The following RSBN1L variants were observed in gnomAD, a reference collection of about 807,000 sequenced individuals.
RSBN1L encodes round spermatid basic protein 1 like.
RSBN1L carries 30 observed loss-of-function variants against 67.7 expected under a neutral mutation model. That is an observed-to-expected ratio of 0.44 (90% CI 0.33 to 0.60). The LOEUF is 0.60. Among genes scored for constraint, RSBN1L ranks in the 20% least tolerant of loss-of-function variants. The probability of loss-of-function intolerance (pLI) is 0.02; values close to 1 mark genes in which losing one functional copy is unlikely to be tolerated. For synonymous variants in RSBN1L, 433 were observed against 387.0 expected (o/e 1.12, Z -1.39); for missense variants, 992 against 1,031.7 (o/e 0.96, Z 0.53).
chr7:77,705,330 T>C (rs1341187740), intron 1 of RSBN1L, among the ~76,000 whole-genome samples: 1 of 152,150 alleles, frequency 6.6e-6, no homozygotes, highest in African/African-American at 2.4e-5. Flanking sequence ...TTCATGTAAA[T>C]TGAAAGTTAA....
At chr7:77,762,288 A>C (rs1026465732) in intron 3 of RSBN1L, among the ~76,000 whole-genome samples, 3 of 152,126 alleles carry the variant, frequency 2.0e-5, no homozygotes, top group Non-Finnish European at 4.4e-5. Flanking sequence ...AATAGTTATG[A>C]ATTTTAATAG....
rs1791949380 is a variant in RSBN1L at position 77,778,556 on chromosome 7, A to G, written c.1929A>G (p.Lys643=). The G allele has an allele frequency of 1.9e-6, 3 of 1,613,016 alleles. No homozygotes were observed. The highest frequency in any genetic ancestry group is 2.5e-6 in the Non-Finnish European group (3 of 1,179,282). The part of the protein sequence containing the change: ...SQCVQWVDDA[K]LNQLRREGIR... ...GTGTCCAATGGGTTGATGATGCAAA[A>G]CTGAATCAACTGAGGAGGGAAGGCA... Residue 643 remains lysine, a synonymous_variant, in exon 8 of 8, where the codon AAA becomes AAG. Transcript: ENST00000334955.
In RSBN1L at chr7:77,780,199, A is replaced by G. The variant is rs1026381754; in HGVS notation, c.*1031A>G. 1 of 152,074 alleles carries G rather than the reference A, an allele frequency of 6.6e-6. No homozygotes were observed. The highest frequency in any genetic ancestry group is 2.4e-5 in the African/African-American group (1 of 41,414). The allele number at this position is 152,074 out of a possible 1,614,324, so 9.4% of individuals were successfully genotyped here. A position where few individuals can be genotyped will look rare whatever the true frequency, so the allele number is the denominator to read the frequency against. ...CATCTGCGTGTGTGTGAATGTGTAT[A>G]TATATGTATATATATATCATATTTT... On this transcript the variant is annotated 3_prime_UTR_variant, in exon 8 of 8. Transcript: ENST00000334955.
chr7:77,744,046 TTTTTA>T (rs1398901009), intron 2 of RSBN1L, among the ~76,000 whole-genome samples: 7 of 151,564 alleles, frequency 4.6e-5, no homozygotes, highest in Non-Finnish European at 7.4e-5. Context: ...TTTACATTTA[TTTTTA>T]TTTTATTTTT....
chr7:77,756,863 G>A (rs536964218), intron 3 of RSBN1L, among the ~76,000 whole-genome samples: 7 of 151,548 alleles, frequency 4.6e-5, no homozygotes, highest in African/African-American at 1.7e-4. Context: ...AGTATATATA[G>A]TAATGCTATA....
intron 1 of RSBN1L, among the ~76,000 whole-genome samples, chr7:77,699,802 T>C (rs1305855940): frequency 6.6e-6 from 1 of 152,080 alleles, no homozygotes; most frequent in Non-Finnish European, 1.5e-5. Context: ...TTAGATTTTT[T>C]TTTTTTTTTT....
At chr7:77,763,735 C>T (rs1791726198) in intron 3 of RSBN1L, among the ~76,000 whole-genome samples, 2 of 152,218 alleles carry the variant, frequency 1.3e-5, no homozygotes, top group South Asian at 4.2e-4. Flanking sequence ...CTCTGTTGCC[C>T]AGGCTGGAGT....
At chr7:77,756,248 CAACTTCCTG>C (rs1791615739) in intron 3 of RSBN1L, among the ~76,000 whole-genome samples, 1 of 151,980 alleles carries the variant, frequency 6.6e-6, no homozygotes, top group Non-Finnish European at 1.5e-5. Context: ...TCTCCTGCCT[CAACTTCCTG>C]AGTAGCTGGG....
At chr7:77,752,693 T>C (rs1022924309) in intron 3 of RSBN1L, among the ~76,000 whole-genome samples, 4 of 152,188 alleles carry the variant, frequency 2.6e-5, no homozygotes, top group African/African-American at 9.6e-5. Context: ...ATTATAAATG[T>C]ATAACTTGAT....
intron 5 of RSBN1L, among the ~76,000 whole-genome samples, chr7:77,770,421 T>C (rs1205760806): frequency 2.0e-5 from 3 of 152,028 alleles, no homozygotes; most frequent in Admixed American, 6.6e-5. Flanking sequence ...GGCTCTTTCA[T>C]GTAATCCTAG....
rs572392064 is a variant in RSBN1L at position 77,696,799 on chromosome 7, G to A, written c.330G>A (p.Thr110=). 1 of 1,613,738 alleles carries A rather than the reference G, an allele frequency of 6.2e-7. No homozygotes were observed. The highest frequency in any genetic ancestry group is 1.3e-5 in the African/African-American group (1 of 75,076). ...GCAGTTTCTCTTTCTCCGCTGGCAC[G>A]GCCGTTCCCTCCTCAGCCTCCGCTT... ...SRSSFSFSAG[T]AVPSSASASL... is the part of the protein sequence containing the mutation. The change falls in exon 1 of 8, where the codon ACG becomes ACA. Residue 110 remains threonine (T), a synonymous_variant. Transcript: ENST00000334955.
rs192073720 is a variant in RSBN1L at position 77,754,274 on chromosome 7, T to C, written c.1344+4210T>C. ...TTCAAGATTTCCTTGGCTCTTTACA[T>C]TTCCACATAAACTTTCGAATCAGCT... is the stretch of plus-strand genomic sequence containing the variant. On this transcript the variant is annotated intron_variant, in intron 3 of 7. Coordinates refer to ENST00000334955, the MANE Select transcript of RSBN1L (RefSeq NM_198467.3). Among the ~76,000 whole-genome samples, 3 of 152,294 alleles carry C rather than the reference T, an allele frequency of 2.0e-5. No individual in the cohort carries two copies. In the East Asian group the frequency reaches 5.8e-4, roughly 29 times the overall value.
At chr7:77,727,016 C>T (rs1353372189) in intron 1 of RSBN1L, among the ~76,000 whole-genome samples, 3 of 150,604 alleles carry the variant, frequency 2.0e-5, no homozygotes, top group South Asian at 2.1e-4. Context: ...CTCTTGACCT[C>T]GTGATCCACC....
chr7:77,703,593 ATT>A (rs1448430055), intron 1 of RSBN1L, among the ~76,000 whole-genome samples: 1 of 141,900 alleles, frequency 7.0e-6, no homozygotes, highest in Non-Finnish European at 1.5e-5. Context: ...AGTTCAAGCG[ATT>A]CTCCTGCCTC....
chr7:77,718,732 A>T (rs899962422), intron 1 of RSBN1L, among the ~76,000 whole-genome samples: 9 of 152,246 alleles, frequency 5.9e-5, no homozygotes, highest in African/African-American at 2.2e-4. Context: ...AATGCATAAC[A>T]AACTGCCCTA....
chr7:77,750,764 GT>G (rs1433671686), intron 3 of RSBN1L, among the ~76,000 whole-genome samples: 1 of 152,082 alleles, frequency 6.6e-6, no homozygotes, highest in East Asian at 1.9e-4. Flanking sequence ...GTAGTTTTTG[GT>G]TTTCTAGGAA....
At chr7:77,714,720 T>C (rs1377640830) in intron 1 of RSBN1L, among the ~76,000 whole-genome samples, 2 of 152,000 alleles carry the variant, frequency 1.3e-5, no homozygotes, top group Non-Finnish European at 2.9e-5. Flanking sequence ...CCCAGCACTT[T>C]GGGAGGCTGA....
At chr7:77,700,580 A>G (rs573022889) in intron 1 of RSBN1L, among the ~76,000 whole-genome samples, 1 of 152,302 alleles carries the variant, frequency 6.6e-6, no homozygotes, top group Admixed American at 6.5e-5. Flanking sequence ...TTTTCTAACT[A>G]CACTCTCCTC....
At chr7:77,759,927 C>T (rs1330595813) in intron 3 of RSBN1L, among the ~76,000 whole-genome samples, 2 of 152,170 alleles carry the variant, frequency 1.3e-5, no homozygotes, top group Non-Finnish European at 2.9e-5. Flanking sequence ...GAAGGGTTTT[C>T]CAAACTTAGT....
Sources: allele counts gnomAD v4.1 joint callset (sites outside exome capture counted in the v4.1 genomes callset), GRCh38; gene constraint gnomAD v4.1.1; transcripts MANE v1.5; gene names NCBI Gene and HGNC (gene_info 2026-07-23, HGNC 2026-07-21).